The following MTA3 variants were observed in gnomAD, a reference collection of about 807,000 sequenced individuals.
MTA3 encodes metastasis-associated protein MTA3.
MTA3 carries 34 observed loss-of-function variants against 83.5 expected under a neutral mutation model. The ratio of observed to expected loss-of-function variants is 0.41; its 90% CI spans 0.31 to 0.54. The LOEUF is 0.54. MTA3 is among the 20% of genes least tolerant of loss of function. MTA3 has a pLI of 0.33. For missense variants in MTA3, 761 were observed against 726.4 expected (o/e 1.05, Z -0.55); for synonymous variants, 303 against 252.7 (o/e 1.20, Z -1.89).
chr2:42,515,817 ATTTTATTTTG>A (rs992224518), intron 2 of MTA3, among the ~76,000 whole-genome samples: 4 of 142,284 alleles, frequency 2.8e-5, no homozygotes, highest in South Asian at 2.3e-4. Flanking sequence ...TGTTTATTTT[ATTTTATTTTG>A]TTTTATTTTA....
intron 14 of MTA3, chr2:42,709,319 C>A: frequency 7.3e-7 from 1 of 1,361,960 alleles, no homozygotes; most frequent in Non-Finnish European, 9.5e-7. Context: ...GTACTCTTTA[C>A]CAGAGAGTAG....
intron 3 of MTA3, among the ~76,000 whole-genome samples, chr2:42,606,107 C>T (rs1245865058): frequency 1.5e-5 from 2 of 137,046 alleles, no homozygotes; most frequent in African/African-American, 2.7e-5. Flanking sequence ...GGTGGCTGGC[C>T]GGGCTGAGGG....
intron 16 of MTA3, among the ~76,000 whole-genome samples, chr2:42,733,468 G>A (rs752430932): frequency 4.1e-4 from 63 of 152,224 alleles, no homozygotes; most frequent in Non-Finnish European, 6.9e-4. Flanking sequence ...TTTGGGTGGC[G>A]ACACAGCCAA....
chr2:42,658,877 C>T (rs1689418413), intron 7 of MTA3, among the ~76,000 whole-genome samples: 1 of 151,368 alleles, frequency 6.6e-6, no homozygotes, highest in East Asian at 1.9e-4. Context: ...GAGTTTCAGA[C>T]CAGCCTGGGC....
At chr2:42,689,203 G>C (rs1219796484) in intron 9 of MTA3, among the ~76,000 whole-genome samples, 1 of 152,156 alleles carries the variant, frequency 6.6e-6, no homozygotes, top group Non-Finnish European at 1.5e-5. Flanking sequence ...CATGAGGTTT[G>C]TTTTAATACA....
chr2:42,672,908 G>A (rs1690961693), intron 8 of MTA3, among the ~76,000 whole-genome samples: 1 of 145,102 alleles, frequency 6.9e-6, no homozygotes, highest in Non-Finnish European at 1.5e-5. Flanking sequence ...GTGCAATGGT[G>A]CAATCTCAGC....
At chr2:42,721,285 C>T (rs542263728) in intron 15 of MTA3, among the ~76,000 whole-genome samples, 163 of 150,566 alleles carry the variant, frequency 1.1e-3, no homozygotes, top group Non-Finnish European at 1.7e-3. Context: ...AGGTAATATG[C>T]GTTGGGCACT....
intron 9 of MTA3, among the ~76,000 whole-genome samples, chr2:42,689,857 G>C (rs1392141014): frequency 7.1e-6 from 1 of 141,462 alleles, no homozygotes; most frequent in African/African-American, 2.6e-5. Context: ...AAAAAATCCA[G>C]CTTTTGGTTT....
intron 16 of MTA3, among the ~76,000 whole-genome samples, chr2:42,750,639 T>C (rs1669801019): frequency 6.6e-6 from 1 of 152,198 alleles, no homozygotes; most frequent in Non-Finnish European, 1.5e-5. Flanking sequence ...AGAGGATAAA[T>C]GTTTGTTACC....
intron 4 of MTA3, among the ~76,000 whole-genome samples, chr2:42,621,850 C>CA (rs1299917875): frequency 6.6e-6 from 1 of 151,720 alleles, no homozygotes; most frequent in Non-Finnish European, 1.5e-5. Context: ...CCCCACATCT[C>CA]AGACGATGGG....
chr2:42,565,869 T>G (rs189345149), upstream of MTA3, among the ~76,000 whole-genome samples: 10 of 152,086 alleles, frequency 6.6e-5, no homozygotes, highest in East Asian at 1.9e-3. Context: ...CCAGACGTGG[T>G]GATGGGCACC....
intron 1 of MTA3, chr2:42,495,015 T>A (rs1480119265): frequency 6.6e-6 from 1 of 152,528 alleles, no homozygotes; most frequent in Non-Finnish European, 1.5e-5. Flanking sequence ...AGGTGAGTTG[T>A]AAGGCGAACC....
intron 9 of MTA3, among the ~76,000 whole-genome samples, chr2:42,690,746 C>T (rs757499648): frequency 1.3e-5 from 2 of 149,270 alleles, no homozygotes; most frequent in African/African-American, 2.5e-5. Flanking sequence ...GCAATCTTGG[C>T]TCACTGTAGC....
intron 16 of MTA3, among the ~76,000 whole-genome samples, chr2:42,728,777 C>T (rs577216993): frequency 8.5e-5 from 13 of 152,290 alleles, no homozygotes; most frequent in Admixed American, 4.6e-4. Context: ...TGTCTTTTCA[C>T]ACCTTTTGCC....
chr2:42,722,944 C>G lies in MTA3; in HGVS notation c.1668C>G (p.Thr556=), dbSNP rs1667535225. The part of the protein sequence containing the change: ...NVIRSTPSLQ[T]PTTKRMLTTP... Reference sequence around the variant, plus strand: ...TTCGATCTACACCAAGCCTGCAAACCCCAACTACCAAGCGGATGCTAACAA... The same window carrying G: ...TTCGATCTACACCAAGCCTGCAAACGCCAACTACCAAGCGGATGCTAACAA... The change falls in exon 16 of 17, where the codon ACC becomes ACG. Residue 556 remains threonine (T), a synonymous_variant. Coordinates refer to ENST00000405094, the MANE Select transcript of MTA3 (RefSeq NM_001330442.2). 2 of 1,551,148 alleles carry G rather than the reference C, an allele frequency of 1.3e-6. No individual in the cohort carries two copies. Among genetic ancestry groups the G allele is most frequent in the Non-Finnish European group, 1.7e-6 (2 of 1,147,106 alleles).
At position 42,709,279 on chromosome 2, in the gene MTA3, G is replaced by A. The variant is rs199802368; in HGVS notation, c.1525+183G>A. 881 of 1,282,348 alleles carry A rather than the reference G, an allele frequency of 6.9e-4. 4 individuals carry two copies. Among genetic ancestry groups the A allele is most frequent in the South Asian group, 1.9e-3 (101 of 52,308 alleles). The allele number at this position is 1,282,348 out of a possible 1,614,324, so 79.4% of individuals were successfully genotyped here. A position where few individuals can be genotyped will look rare whatever the true frequency, so the allele number is the denominator to read the frequency against. On this transcript the variant is annotated intron_variant, in intron 14 of 16. Transcript: ENST00000405094. ...CTGCCATTTGTATCATGCCAACCTG[G>A]AAAAAAAAAATCAAAACATTGAAAC...
In MTA3 at chr2:42,632,966, T is replaced by A. The variant is rs532068849; in HGVS notation, c.318-7207T>A. Among the ~76,000 whole-genome samples, 358 of 145,608 alleles carry A rather than the reference T, an allele frequency of 2.5e-3. 4 individuals are homozygous for A. The highest frequency in any genetic ancestry group is 0.013 in the East Asian group (65 of 5,034). On this transcript the variant is annotated intron_variant, in intron 4 of 16. Coordinates refer to ENST00000405094, the MANE Select transcript of MTA3 (RefSeq NM_001330442.2). ...ATTTAATTCTCTTTGTACTCCTTTTTAAAAAAAAAAAAATACAGTCGGGCA... is the reference window on the plus strand; with the variant it reads ...ATTTAATTCTCTTTGTACTCCTTTTAAAAAAAAAAAAAATACAGTCGGGCA...
At chr2:42,719,941 A>G (rs1007928023) in intron 15 of MTA3, among the ~76,000 whole-genome samples, 1 of 152,186 alleles carries the variant, frequency 6.6e-6, no homozygotes, top group South Asian at 2.1e-4. Context: ...TGCTTCTCAT[A>G]GTTCTTTTTC....
intron 3 of MTA3, among the ~76,000 whole-genome samples, chr2:42,591,256 CA>C (rs543030037): frequency 2.1e-4 from 32 of 152,238 alleles, no homozygotes; most frequent in South Asian, 2.1e-3. Flanking sequence ...CATATTTAAA[CA>C]TAGAACAAGT....
Sources: gnomAD v4.1 joint callset for allele counts (sites outside exome capture counted in the v4.1 genomes callset) on GRCh38, gnomAD v4.1.1 for gene constraint, MANE v1.5 for transcripts, NCBI Gene and HGNC (gene_info 2026-07-23, HGNC 2026-07-21) for gene names.